Variants in SV2C observed in about 807,000 individuals in gnomAD.
The protein encoded by SV2C is solute carrier family 22 member B3.
Under a neutral mutation model 79.7 loss-of-function variants are expected in SV2C, and 49 were observed. The observed-to-expected ratio is 0.61, with a 90% CI of 0.49 to 0.78. The LOEUF is 0.78. SV2C is among the 30% of genes least tolerant of loss of function. SV2C has a pLI of 0.00. For synonymous variants in SV2C, 334 were observed against 333.2 expected (o/e 1.00, Z -0.03); for missense variants, 833 against 912.9 (o/e 0.91, Z 1.13).
chr5:76,313,762 G>T (rs1748533325), intron 12 of SV2C, among the ~76,000 whole-genome samples: 1 of 152,156 alleles, frequency 6.6e-6, no homozygotes, highest in South Asian at 2.1e-4. Flanking sequence ...AGGCTGCAGG[G>T]CTTGGAGGAC....
chr5:76,140,029 A>C (rs889242113), intron 2 of SV2C, among the ~76,000 whole-genome samples: 2 of 152,104 alleles, frequency 1.3e-5, no homozygotes, highest in Non-Finnish European at 2.9e-5. Flanking sequence ...CAAATCTGGG[A>C]TATATTTTTG....
intron 4 of SV2C, among the ~76,000 whole-genome samples, chr5:76,271,616 C>CTTTTTTTTTTTTTTTTTT (rs34458409): frequency 1.8e-4 from 17 of 96,068 alleles, no homozygotes; most frequent in Non-Finnish European, 2.0e-4. Flanking sequence ...AGCATGTGTT[C>CTTTTTTTTTTTTTTTTTT]TTTTTTTTTT....
chr5:75,908,448 G>T, the SV2C span, among the ~76,000 whole-genome samples: 31 of 152,080 alleles, frequency 2.0e-4, no homozygotes, highest in Non-Finnish European at 4.0e-4. Context: ...GCCAAATTTT[G>T]CTCATCCATT....
the SV2C span, among the ~76,000 whole-genome samples, chr5:75,867,459 A>C: frequency 1.8e-3 from 278 of 152,296 alleles, no homozygotes; most frequent in Non-Finnish European, 3.1e-3. Context: ...GAAGGAGAGA[A>C]GGAAAGGAGA....
At chr5:76,341,255 C>T (rs1415069323) in intron 12 of SV2C, among the ~76,000 whole-genome samples, 1 of 152,024 alleles carries the variant, frequency 6.6e-6, no homozygotes, top group African/African-American at 2.4e-5. Flanking sequence ...ATTATATGAC[C>T]AGCCACACAT....
intron 2 of SV2C, among the ~76,000 whole-genome samples, chr5:76,142,903 C>CTTTT (rs372569739): frequency 2.2e-5 from 3 of 134,666 alleles, no homozygotes; most frequent in Non-Finnish European, 4.9e-5. Flanking sequence ...TTTTCTTTTC[C>CTTTT]TTTTTTTTTG....
chr5:76,339,624 G>A (rs1233304231), intron 12 of SV2C, among the ~76,000 whole-genome samples: 1 of 151,452 alleles, frequency 6.6e-6, no homozygotes, highest in East Asian at 1.9e-4. Context: ...TGAGGCAGGA[G>A]AATGGCGTGA....
At chr5:76,089,482 T>C (rs973646932) in intron 1 of SV2C, among the ~76,000 whole-genome samples, 7 of 152,246 alleles carry the variant, frequency 4.6e-5, no homozygotes, top group Admixed American at 6.5e-5. Flanking sequence ...AGCACTGCAA[T>C]GAACATACAT....
intron 2 of SV2C, among the ~76,000 whole-genome samples, chr5:76,184,786 G>A (rs1008954904): frequency 8.5e-5 from 13 of 152,166 alleles, no homozygotes; most frequent in African/African-American, 2.7e-4. Flanking sequence ...GATCTGTGGG[G>A]ACACAGAGCC....
chr5:75,910,778 C>T, the SV2C span: 4 of 1,349,232 alleles, frequency 3.0e-6, 1 homozygote, highest in Admixed American at 5.1e-5. Flanking sequence ...TTATAACAGT[C>T]ATGTTGGCTG....
intron 2 of SV2C, among the ~76,000 whole-genome samples, chr5:76,194,211 T>G (rs920277702): frequency 6.6e-6 from 1 of 152,172 alleles, no homozygotes; most frequent in Non-Finnish European, 1.5e-5. Flanking sequence ...GACTCCCAAG[T>G]CTTTAGATCA....
the SV2C span, among the ~76,000 whole-genome samples, chr5:75,876,785 C>G: frequency 6.6e-6 from 1 of 151,800 alleles, no homozygotes; most frequent in South Asian, 2.1e-4. Context: ...ATGGCAAATC[C>G]TAGAGCAACC....
chr5:76,306,181 G>A (rs1391162572), intron 12 of SV2C, among the ~76,000 whole-genome samples: 1 of 152,110 alleles, frequency 6.6e-6, no homozygotes, highest in Non-Finnish European at 1.5e-5. Context: ...CAAAGTAGCT[G>A]GAACTACAGA....
chr5:76,047,779 T>C, the SV2C span, among the ~76,000 whole-genome samples: 1 of 149,380 alleles, frequency 6.7e-6, no homozygotes, highest in African/African-American at 2.5e-5. Context: ...TTTTTTTTTT[T>C]TTTTGAGACG....
chr5:76,344,267 C>A (rs1199774693), intron 12 of SV2C, among the ~76,000 whole-genome samples: 1 of 152,146 alleles, frequency 6.6e-6, no homozygotes, highest in Non-Finnish European at 1.5e-5. Context: ...AGGCAGCTTG[C>A]CCTTGATTTG....
At chr5:75,882,027 A>G in the SV2C span, among the ~76,000 whole-genome samples, 1 of 150,044 alleles carries the variant, frequency 6.7e-6, no homozygotes, top group Non-Finnish European at 1.5e-5. Flanking sequence ...AATTTTGTCA[A>G]AGGCCTTTTC....
the SV2C span, among the ~76,000 whole-genome samples, chr5:75,871,816 A>AATAT: frequency 2.6e-5 from 3 of 116,888 alleles, no homozygotes; most frequent in Admixed American, 8.9e-5. Context: ...CAAATATATA[A>AATAT]ATATATATAT....
chr5:76,074,690 A>G, the SV2C span, among the ~76,000 whole-genome samples: 2 of 152,204 alleles, frequency 1.3e-5, no homozygotes, highest in Admixed American at 1.3e-4. Flanking sequence ...CCTTTGAGCC[A>G]CCAGAGGAGG....
At chr5:76,152,775 G>GC (rs1742585796) in intron 2 of SV2C, among the ~76,000 whole-genome samples, 1 of 152,058 alleles carries the variant, frequency 6.6e-6, no homozygotes, top group African/African-American at 2.4e-5. Context: ...GAATTCTTCT[G>GC]CCCCCCAGCC....
Sources: gnomAD v4.1 joint callset for allele counts (sites outside exome capture counted in the v4.1 genomes callset) on GRCh38, gnomAD v4.1.1 for gene constraint, MANE v1.5 for transcripts, NCBI Gene and HGNC (gene_info 2026-07-23, HGNC 2026-07-21) for gene names.